STAM2: variants seen among roughly 807,000 people sequenced by gnomAD.
The protein encoded by STAM2 is signal transducing adaptor molecule 2, also known as signal transducing adapter molecule 2.
Under a neutral mutation model 65.6 loss-of-function variants are expected in STAM2, and 51 were observed. That is an observed-to-expected ratio of 0.78 (90% CI 0.62 to 0.98). STAM2 has a LOEUF of 0.98. Ranked by LOEUF, STAM2 falls within the 50% of genes least tolerant of loss-of-function variation. The probability of loss-of-function intolerance (pLI) is 0.00; values close to 1 mark genes in which losing one functional copy is unlikely to be tolerated. For missense variants in STAM2, 584 were observed against 617.8 expected, an observed-to-expected ratio of 0.95 and a Z score of 0.58; for synonymous variants, 198 against 208.4, an observed-to-expected ratio of 0.95 and a Z score of 0.43.
chr2:152,164,125 GGC>G (rs1689734271), intron 1 of STAM2, among the ~76,000 whole-genome samples: 1 of 151,942 alleles, frequency 6.6e-6, no homozygotes, highest in Non-Finnish European at 1.5e-5. Flanking sequence ...ACGGACCTAC[GGC>G]CCGTAATGAC....
chr2:152,159,222 C>T (rs2105559666), intron 1 of STAM2, among the ~76,000 whole-genome samples: 1 of 151,096 alleles, frequency 6.6e-6, no homozygotes, highest in East Asian at 2.0e-4. Flanking sequence ...GGGAGGATTC[C>T]TTGTGCCCAG....
At chr2:152,146,527 T>A (rs1206381271) in intron 5 of STAM2, among the ~76,000 whole-genome samples, 3 of 152,060 alleles carry the variant, frequency 2.0e-5, no homozygotes, top group Non-Finnish European at 4.4e-5. Context: ...GCAAATAAAT[T>A]TCTAGTCTTA....
chr2:152,148,267 C>G lies in STAM2; in HGVS notation c.159G>C (p.Arg53Ser). 1.2e-6 allele frequency: 2 copies of G among 1,611,072 alleles called. No individual in the cohort carries two copies. Among genetic ancestry groups the G allele is most frequent in the African/African-American group, 1.3e-5 (1 of 74,794 alleles). ...AKDCLKAIMK[R>S]VNHKVPHVAL... ...CAACATGTGGAACCTTATGATTTACCCTTTTCATTATGGCTTTTAGGCAAT... is the reference window on the plus strand; with the variant it reads ...CAACATGTGGAACCTTATGATTTACGCTTTTCATTATGGCTTTTAGGCAAT... The change falls in exon 3 of 14, where the codon AGG becomes AGC. Residue 53 changes from arginine (R) to serine (S), a missense_variant. Transcript: ENST00000263904.
intron 1 of STAM2, 139 bp from the exon 2 acceptor site, chr2:152,150,368 A>C: frequency 1.9e-6 from 1 of 518,260 alleles, no homozygotes; most frequent in South Asian, 3.1e-5. Flanking sequence ...AGACAAAAGT[A>C]CTTCTACTAA....
intron 1 of STAM2, among the ~76,000 whole-genome samples, chr2:152,175,267 G>C (rs888623594): frequency 2.6e-5 from 4 of 152,164 alleles, no homozygotes; most frequent in Admixed American, 2.0e-4. Flanking sequence ...ACCAGCTGTC[G>C]AACGAGCAGG....
intron 1 of STAM2, among the ~76,000 whole-genome samples, chr2:152,156,417 C>T (rs1032741701): frequency 6.6e-6 from 1 of 152,000 alleles, no homozygotes; most frequent in African/African-American, 2.4e-5. Context: ...ATTAAGAAAC[C>T]ATTCTTTTAT....
intron 1 of STAM2, among the ~76,000 whole-genome samples, chr2:152,150,540 T>A (rs113701935): frequency 2.6e-5 from 4 of 152,228 alleles, no homozygotes; most frequent in African/African-American, 9.6e-5. Flanking sequence ...TGGTGGCTCA[T>A]GCCTGTAATC....
intron 13 of STAM2, 93 bp downstream of exon 13, chr2:152,123,673 T>C (rs1328493992): frequency 8.1e-7 from 1 of 1,235,894 alleles, no homozygotes; most frequent in African/African-American, 1.5e-5. Flanking sequence ...TAAACAGTTC[T>C]GTAACTTCAT....
intron 7 of STAM2, 87 bp downstream of exon 7, chr2:152,143,740 T>C: frequency 9.2e-7 from 1 of 1,083,500 alleles, no homozygotes; most frequent in South Asian, 1.9e-5. Flanking sequence ...ATGATTTAAA[T>C]ACACTAAAAG....
chr2:152,141,889 A>T (rs986567989), intron 7 of STAM2, among the ~76,000 whole-genome samples: 2 of 152,146 alleles, frequency 1.3e-5, no homozygotes, highest in Admixed American at 1.3e-4. Context: ...ACGCCCTGCC[A>T]GCTCCATGGT....
intron 11 of STAM2, among the ~76,000 whole-genome samples, chr2:152,130,550 C>T (rs544572197): frequency 1.8e-3 from 278 of 151,834 alleles, no homozygotes; most frequent in Non-Finnish European, 3.4e-3. Context: ...TGCGCCTGGC[C>T]GCTCCTATTT....
At position 152,175,622 on chromosome 2, in the gene STAM2, G is replaced by C; in HGVS notation, c.21C>G (p.Asn7Lys). ...ACTCACCCACGTCTTGCTCGAAGGGGTTGGCGGTGAACAAAGGCATCTCGC... is the reference window on the plus strand; with the variant it reads ...ACTCACCCACGTCTTGCTCGAAGGGCTTGGCGGTGAACAAAGGCATCTCGC... MPLFTA[N>K]PFEQDVEKAT... The change falls in exon 1 of 14, where the codon AAC becomes AAG. Residue 7 changes from asparagine (N) to lysine (K), a missense_variant. By Grantham distance (94) the Asn-to-Lys change is moderately conservative (BLOSUM62 0). Coordinates refer to ENST00000263904, the MANE Select transcript of STAM2 (RefSeq NM_005843.6). 6.2e-7 allele frequency: 1 copy of C among 1,613,954 alleles called. No individual in the cohort carries two copies. The highest frequency in any genetic ancestry group is 8.5e-7 in the Non-Finnish European group (1 of 1,179,942).
At chr2:152,152,473 C>T (rs1398964797) in intron 1 of STAM2, among the ~76,000 whole-genome samples, 5 of 151,620 alleles carry the variant, frequency 3.3e-5, no homozygotes, top group Admixed American at 6.6e-5. Context: ...GGCGTGAACC[C>T]GGGAGGCAGA....
At chr2:152,155,258 G>C (rs1019735515) in intron 1 of STAM2, among the ~76,000 whole-genome samples, 1 of 152,156 alleles carries the variant, frequency 6.6e-6, no homozygotes, top group African/African-American at 2.4e-5. Flanking sequence ...CCATTAGCCT[G>C]GTACAATGTG....
At chr2:152,121,459 G>A (rs1688851758) in intron 13 of STAM2, among the ~76,000 whole-genome samples, 1 of 152,174 alleles carries the variant, frequency 6.6e-6, no homozygotes, top group African/African-American at 2.4e-5. Flanking sequence ...TGAGAATGGA[G>A]CCCTGGCTCA....
chr2:152,130,652 G>C (rs574918865), intron 11 of STAM2, among the ~76,000 whole-genome samples: 1 of 151,592 alleles, frequency 6.6e-6, no homozygotes, highest in African/African-American at 2.4e-5. Context: ...GAGGCCAAGA[G>C]TTTGAGACCA....
At chr2:152,159,382 A>G (rs996740294) in intron 1 of STAM2, among the ~76,000 whole-genome samples, 4 of 152,062 alleles carry the variant, frequency 2.6e-5, no homozygotes, top group Non-Finnish European at 5.9e-5. Context: ...AAATGAGTAG[A>G]ATTAATTTGC....
intron 1 of STAM2, among the ~76,000 whole-genome samples, chr2:152,165,749 A>G (rs925303357): frequency 2.6e-5 from 4 of 152,216 alleles, no homozygotes; most frequent in Non-Finnish European, 4.4e-5. Flanking sequence ...ATGGAGATTA[A>G]AATAGCTGCC....
chr2:152,128,994 A>G (rs1269853912), intron 11 of STAM2, among the ~76,000 whole-genome samples: 1 of 152,224 alleles, frequency 6.6e-6, no homozygotes, highest in Non-Finnish European at 1.5e-5. Context: ...AGAACAGGAA[A>G]CATTTCCCAG....
Sources: allele counts gnomAD v4.1 joint callset (sites outside exome capture counted in the v4.1 genomes callset), GRCh38; gene constraint gnomAD v4.1.1; transcripts MANE v1.5; gene names NCBI Gene and HGNC (gene_info 2026-07-23, HGNC 2026-07-21).